HECW2: variants seen among roughly 807,000 people sequenced by gnomAD.
The protein encoded by HECW2 is HECT, C2 and WW domain containing E3 ubiquitin protein ligase 2.
HECW2 carries 61 observed loss-of-function variants against 175.2 expected under a neutral mutation model. That is an observed-to-expected ratio of 0.35 (90% confidence interval 0.28 to 0.43). HECW2 has a LOEUF of 0.43. Among genes scored for constraint, HECW2 ranks in the 20% least tolerant of loss-of-function variants. The pLI is 1.00. For synonymous variants in HECW2, 671 were observed against 731.0 expected (o/e 0.92, Z 1.32); for missense variants, 1,524 against 2,000.5 (o/e 0.76, Z 4.54).
At chr2:196,437,457 C>T (rs1418781737) in intron 1 of HECW2, among the ~76,000 whole-genome samples, 12 of 151,546 alleles carry the variant, frequency 7.9e-5, no homozygotes, top group Admixed American at 7.9e-4. Context: ...ACTAAAAATA[C>T]AAAAATTAGC....
At chr2:196,587,030 C>G (rs1691008321) in intron 1 of HECW2, among the ~76,000 whole-genome samples, 1 of 152,154 alleles carries the variant, frequency 6.6e-6, no homozygotes, top group Admixed American at 6.5e-5. Flanking sequence ...TAATGTTTGT[C>G]TTTAACTTTC....
chr2:196,334,893 C>G (rs1692495905), intron 3 of HECW2, among the ~76,000 whole-genome samples: 1 of 152,128 alleles, frequency 6.6e-6, no homozygotes, highest in South Asian at 2.1e-4. Flanking sequence ...ATTCCTTTCC[C>G]CATATTACAG....
intron 1 of HECW2, among the ~76,000 whole-genome samples, chr2:196,454,522 C>T (rs1341690356): frequency 6.6e-6 from 1 of 152,148 alleles, no homozygotes; most frequent in Non-Finnish European, 1.5e-5. Flanking sequence ...GCACACTTGC[C>T]TGATTATTTC....
At chr2:196,457,592 C>T (rs1407826887) in intron 1 of HECW2, among the ~76,000 whole-genome samples, 4 of 152,198 alleles carry the variant, frequency 2.6e-5, no homozygotes, top group African/African-American at 9.7e-5. Context: ...TCAGCCTATT[C>T]ACAGTACTGT....
intron 22 of HECW2, 88 bp downstream of exon 22, chr2:196,228,014 A>G (rs1040879947): frequency 1.1e-5 from 14 of 1,252,586 alleles, no homozygotes; most frequent in African/African-American, 4.6e-5. Context: ...AAGGGAAAAA[A>G]TGTTTTAATG....
At chr2:196,374,144 T>C (rs1461408162) in intron 2 of HECW2, among the ~76,000 whole-genome samples, 2 of 152,102 alleles carry the variant, frequency 1.3e-5, no homozygotes, top group African/African-American at 2.4e-5. Context: ...TAAATAACTG[T>C]CCAGAAATTA....
intron 9 of HECW2, 123 bp downstream of exon 9, chr2:196,318,429 T>C: frequency 4.2e-6 from 5 of 1,192,786 alleles, no homozygotes; most frequent in Non-Finnish European, 3.3e-6. Context: ...CTGCTGAACC[T>C]CAAGGTGAGG....
chr2:196,513,835 G>A (rs949463151), intron 1 of HECW2, among the ~76,000 whole-genome samples: 11 of 152,232 alleles, frequency 7.2e-5, no homozygotes, highest in African/African-American at 2.7e-4. Context: ...ACTGGTCCAT[G>A]AAGTAAGTAC....
At chr2:196,593,101 C>T (rs1359243615) in intron 1 of HECW2, among the ~76,000 whole-genome samples, 2 of 151,170 alleles carry the variant, frequency 1.3e-5, no homozygotes, top group East Asian at 1.9e-4. Context: ...GGCTGGGTCT[C>T]GGCTCGCCTT....
At chr2:196,337,765 G>A (rs1346759303) in intron 3 of HECW2, among the ~76,000 whole-genome samples, 1 of 151,142 alleles carries the variant, frequency 6.6e-6, no homozygotes, top group African/African-American at 2.4e-5. Context: ...AAAGGGAAAG[G>A]CATCCTGTAC....
intron 1 of HECW2, among the ~76,000 whole-genome samples, chr2:196,525,452 T>C (rs1192695906): frequency 6.7e-6 from 1 of 150,232 alleles, no homozygotes; most frequent in Admixed American, 6.7e-5. Context: ...CTGTGTCTTT[T>C]AATTGGATAA....
intron 16 of HECW2, among the ~76,000 whole-genome samples, chr2:196,272,588 A>G (rs1444198386): frequency 6.6e-6 from 1 of 152,204 alleles, no homozygotes; most frequent in Non-Finnish European, 1.5e-5. Flanking sequence ...AATTCTGTAG[A>G]GATCTGCCAT....
At chr2:196,582,632 C>T (rs374487981) in intron 1 of HECW2, among the ~76,000 whole-genome samples, 6 of 152,256 alleles carry the variant, frequency 3.9e-5, no homozygotes, top group African/African-American at 1.4e-4. Flanking sequence ...ACACCTGTGT[C>T]TGGTGCCCTG....
At chr2:196,323,710 C>T (rs2105772497) in intron 6 of HECW2, among the ~76,000 whole-genome samples, 1 of 152,274 alleles carries the variant, frequency 6.6e-6, no homozygotes, top group South Asian at 2.1e-4. Context: ...TAATCTCATC[C>T]TTCGTGCCTC....
At chr2:196,282,917 G>A (rs2106000306) in intron 14 of HECW2, among the ~76,000 whole-genome samples, 1 of 152,154 alleles carries the variant, frequency 6.6e-6, no homozygotes, top group Non-Finnish European at 1.5e-5. Flanking sequence ...CGGTTGAGGG[G>A]TTTAGAATTT....
chr2:196,456,768 C>G (rs1373241883), intron 1 of HECW2, among the ~76,000 whole-genome samples: 2 of 152,066 alleles, frequency 1.3e-5, no homozygotes, highest in Non-Finnish European at 2.9e-5. Flanking sequence ...TACAGATTTT[C>G]CAGAATATCA....
At chr2:196,233,694 A>G (rs1034084333) in intron 21 of HECW2, among the ~76,000 whole-genome samples, 2 of 152,170 alleles carry the variant, frequency 1.3e-5, no homozygotes, top group African/African-American at 2.4e-5. Context: ...TAGATACAGA[A>G]GCATCCTTCT....
chr2:196,263,227 GTC>G (rs1359534939), intron 17 of HECW2: 1 of 152,196 alleles, frequency 6.6e-6, no homozygotes, highest in Non-Finnish European at 1.5e-5. Flanking sequence ...AGCTACTGCT[GTC>G]TCTCAGACTC....
At chr2:196,511,960 G>C (rs1344512387) in intron 1 of HECW2, among the ~76,000 whole-genome samples, 1 of 152,206 alleles carries the variant, frequency 6.6e-6, no homozygotes, top group Admixed American at 6.5e-5. Context: ...GTTTTAGATG[G>C]TGTCCCTCAC....
Sources: allele counts gnomAD v4.1 joint callset (sites outside exome capture counted in the v4.1 genomes callset), GRCh38; gene constraint gnomAD v4.1.1; transcripts MANE v1.5; gene names NCBI Gene and HGNC (gene_info 2026-07-23, HGNC 2026-07-21).